Variants in DGCR2 observed in about 807,000 individuals in gnomAD.
DGCR2 encodes integral membrane protein DGCR2/IDD.
Under a neutral mutation model 51.6 loss-of-function variants are expected in DGCR2, and 24 were observed. The observed-to-expected ratio is 0.47, with a 90% CI of 0.34 to 0.65. The LOEUF is 0.65. DGCR2 is among the 30% of genes least tolerant of loss of function. The pLI is 0.01. For missense variants in DGCR2, 765 were observed against 772.1 expected, an observed-to-expected ratio of 0.99 and a Z score of 0.11; for synonymous variants, 340 against 315.4, an observed-to-expected ratio of 1.08 and a Z score of -0.82.
At chr22:19,074,153 C>T (rs1024446801) in intron 2 of DGCR2, among the ~76,000 whole-genome samples, 3 of 152,114 alleles carry the variant, frequency 2.0e-5, no homozygotes, top group Admixed American at 1.3e-4. Flanking sequence ...TGGCTCGGCA[C>T]GGTGGCTCAC....
chr22:19,062,785 T>TCTCTCTCTCTCTCTCTCTCTCTC (rs2082690807), intron 5 of DGCR2, among the ~76,000 whole-genome samples: 1 of 141,710 alleles, frequency 7.1e-6, no homozygotes, highest in Non-Finnish European at 1.6e-5. Context: ...GCTCACTCTC[T>TCTCTCTCTCTCTCTCTCTCTCTC]CTCTCTCTCT....
intron 2 of DGCR2, among the ~76,000 whole-genome samples, chr22:19,080,665 G>A (rs1288536228): frequency 6.6e-6 from 1 of 152,054 alleles, no homozygotes; most frequent in Admixed American, 6.6e-5. Flanking sequence ...GCGAGACCTC[G>A]TCTCTACAAA....
intron 7 of DGCR2, chr22:19,047,027 G>T (rs2082497593): frequency 1.3e-5 from 2 of 155,422 alleles, no homozygotes; most frequent in Admixed American, 1.3e-4. Flanking sequence ...TAAGCTGGGG[G>T]TTTAAAGTTA....
chr22:19,038,673 G>C lies in DGCR2; in HGVS notation c.*192C>G. 1.5e-6 allele frequency: 1 copy of C among 685,356 alleles called. No individual in the cohort carries two copies. The highest frequency in any genetic ancestry group is 3.1e-5 in the Admixed American group (1 of 31,808). 42.5% of individuals were successfully genotyped at this position (685,356 alleles called of 1,614,324 possible). On this transcript the variant is annotated 3_prime_UTR_variant, in exon 10 of 10. Coordinates refer to ENST00000263196, the MANE Select transcript of DGCR2 (RefSeq NM_005137.3). ...GCATGTTTCTGAAGCCCTCAAGGAA[G>C]CTCGGTGCAGGCCATCACTTCTTTT...
intron 2 of DGCR2, among the ~76,000 whole-genome samples, chr22:19,078,805 G>A (rs2082906472): frequency 1.3e-5 from 2 of 152,156 alleles, no homozygotes; most frequent in African/African-American, 4.8e-5. Flanking sequence ...ATTCACAAAG[G>A]ATATTGGTCT....
intron 3 of DGCR2, among the ~76,000 whole-genome samples, chr22:19,065,484 T>A (rs929344820): frequency 1.3e-5 from 2 of 152,150 alleles, no homozygotes; most frequent in African/African-American, 4.8e-5. Context: ...CCTTTTCTAC[T>A]TACATGAGCA....
intron 9 of DGCR2, among the ~76,000 whole-genome samples, chr22:19,039,587 C>T (rs117447730): frequency 0.013 from 1,980 of 152,286 alleles, 36 homozygotes; most frequent in South Asian, 0.056. Flanking sequence ...ATGTGGCAAC[C>T]GGAGTGTGGG....
intron 1 of DGCR2, among the ~76,000 whole-genome samples, chr22:19,091,970 A>G (rs2083083720): frequency 6.6e-6 from 1 of 152,148 alleles, no homozygotes; most frequent in South Asian, 2.1e-4. Context: ...AATAGAGAAA[A>G]TAAGAAAAAC....
chr22:19,095,810 C>T (rs2083133944), intron 1 of DGCR2, among the ~76,000 whole-genome samples: 1 of 151,780 alleles, frequency 6.6e-6, no homozygotes, highest in Non-Finnish European at 1.5e-5. Context: ...AAGATACTGA[C>T]CACAAGGCTA....
intron 2 of DGCR2, among the ~76,000 whole-genome samples, chr22:19,082,555 G>GC (rs1208219568): frequency 1.2e-4 from 18 of 151,970 alleles, no homozygotes; most frequent in Admixed American, 4.6e-4. Flanking sequence ...TTCGAGCCCA[G>GC]CCCGGCCAAC....
intron 1 of DGCR2, among the ~76,000 whole-genome samples, chr22:19,097,690 G>T (rs749187669): frequency 6.6e-6 from 1 of 152,192 alleles, no homozygotes. Context: ...CATACTCTAT[G>T]CATGTCTGGG....
intron 9 of DGCR2, 50 bp from the exon 10 acceptor site, chr22:19,039,171 G>A: frequency 6.2e-7 from 1 of 1,600,554 alleles, no homozygotes; most frequent in Non-Finnish European, 8.5e-7. Flanking sequence ...GCCTGGCACA[G>A]GGGATGCAGG....
chr22:19,114,716 C>T (rs955904470), intron 1 of DGCR2, among the ~76,000 whole-genome samples: 2 of 152,184 alleles, frequency 1.3e-5, no homozygotes, highest in African/African-American at 2.4e-5. Context: ...TGACTCCTGC[C>T]CCTCATCCAG....
intron 2 of DGCR2, among the ~76,000 whole-genome samples, chr22:19,081,926 G>A (rs982233764): frequency 5.3e-5 from 8 of 152,142 alleles, no homozygotes; most frequent in Admixed American, 3.9e-4. Context: ...CACCATCTAC[G>A]AAATGCTTTA....
chr22:19,060,959 G>T (rs763475867), intron 5 of DGCR2: 1 of 448,100 alleles, frequency 2.2e-6, no homozygotes, highest in Non-Finnish European at 4.5e-6. Context: ...CCCCAATCTG[G>T]AACATATTAT....
At chr22:19,040,389 C>T (rs1173853033) in intron 9 of DGCR2, among the ~76,000 whole-genome samples, 1 of 152,240 alleles carries the variant, frequency 6.6e-6, no homozygotes, top group Non-Finnish European at 1.5e-5. Flanking sequence ...TTTGGGGTGG[C>T]ACTGCCTACC....
intron 3 of DGCR2, among the ~76,000 whole-genome samples, chr22:19,066,370 C>T (rs1299504705): frequency 1.3e-5 from 2 of 152,002 alleles, no homozygotes; most frequent in East Asian, 1.9e-4. Context: ...TGCGCCACTG[C>T]ACTCCAGCCT....
intron 5 of DGCR2, among the ~76,000 whole-genome samples, chr22:19,058,791 G>A (rs1018566476): frequency 2.0e-5 from 3 of 152,214 alleles, no homozygotes; most frequent in South Asian, 2.1e-4. Flanking sequence ...TGCCTGGACC[G>A]GGGCACAGCA....
intron 7 of DGCR2, among the ~76,000 whole-genome samples, chr22:19,043,841 A>G (rs1434217627): frequency 6.6e-6 from 1 of 152,182 alleles, no homozygotes; most frequent in African/African-American, 2.4e-5. Flanking sequence ...TCCTCCTCCC[A>G]CGGGGCCAGG....
Sources: gnomAD v4.1 joint callset for allele counts (sites outside exome capture counted in the v4.1 genomes callset) on GRCh38, gnomAD v4.1.1 for gene constraint, MANE v1.5 for transcripts, NCBI Gene and HGNC (gene_info 2026-07-23, HGNC 2026-07-21) for gene names.